TFDP1: variants seen among roughly 807,000 people sequenced by gnomAD.
TFDP1 encodes transcription factor Dp-1, also known as DRTF1-polypeptide 1.
In TFDP1, 6 loss-of-function variants were observed where a neutral mutation model predicts 48.0. The observed-to-expected ratio is 0.13, with a 90% CI of 0.07 to 0.25. The LOEUF is 0.25. Ranked by LOEUF, TFDP1 falls within the 10% of genes least tolerant of loss-of-function variation. The pLI, the probability that TFDP1 is intolerant of heterozygous loss-of-function variation, is 1.00. For synonymous variants in TFDP1, 201 were observed against 211.6 expected, an observed-to-expected ratio of 0.95 and a Z score of 0.44; for missense variants, 335 against 543.0, an observed-to-expected ratio of 0.62 and a Z score of 3.81.
intron 3 of TFDP1, among the ~76,000 whole-genome samples, chr13:113,615,057 G>C (rs2048823784): frequency 6.6e-6 from 1 of 152,178 alleles, no homozygotes; most frequent in Admixed American, 6.5e-5. Context: ...GGCTTAGAAG[G>C]CTGCTTTCCA....
At chr13:113,586,990 A>G (rs2048021680) in intron 2 of TFDP1, among the ~76,000 whole-genome samples, 1 of 152,198 alleles carries the variant, frequency 6.6e-6, no homozygotes, top group Non-Finnish European at 1.5e-5. Context: ...AGCCATGTTC[A>G]TTACATCTCC....
At chr13:113,614,091 G>C (rs2048791995) in intron 3 of TFDP1, among the ~76,000 whole-genome samples, 1 of 151,670 alleles carries the variant, frequency 6.6e-6, no homozygotes, top group Non-Finnish European at 1.5e-5. Context: ...AGATGTATGT[G>C]AGTTGTGTGC....
rs2049535697 is a variant in TFDP1, at chr13:113,637,903, G to C, written c.1085+7G>C. 2 of 1,612,426 alleles carry C rather than the reference G, an allele frequency of 1.2e-6. No homozygotes were observed. Among genetic ancestry groups the C allele is most frequent in the Admixed American group, 3.3e-5 (2 of 59,968 alleles). On this transcript the variant is annotated splice_region_variant and intron_variant, in intron 11 of 11. Coordinates refer to ENST00000375370, the MANE Select transcript of TFDP1 (RefSeq NM_007111.5). ...GCACAAGGTTCTCTGCCAGGTGACAGTCGTTGAGGGTGTGGGAGAGGCGTC... is the reference window on the plus strand; with the variant it reads ...GCACAAGGTTCTCTGCCAGGTGACACTCGTTGAGGGTGTGGGAGAGGCGTC...
chr13:113,605,893 G>A (rs1463571314), intron 2 of TFDP1, among the ~76,000 whole-genome samples: 1 of 140,364 alleles, frequency 7.1e-6, no homozygotes, highest in East Asian at 2.3e-4. Flanking sequence ...GGTGATGAGT[G>A]TCCAAGGCGG....
At chr13:113,610,958 A>G (rs760739645) in intron 2 of TFDP1, 38 bp from the exon 3 acceptor site, 1 of 1,601,386 alleles carries the variant, frequency 6.2e-7, no homozygotes, top group South Asian at 1.1e-5. Context: ...TAGCCCTTTT[A>G]GCTGTCATAT....
intron 3 of TFDP1, among the ~76,000 whole-genome samples, chr13:113,622,631 A>T (rs915247357): frequency 1.3e-5 from 2 of 152,178 alleles, no homozygotes; most frequent in African/African-American, 2.4e-5. Context: ...TGGAAGACAG[A>T]GGCTTCACAT....
Position 113,623,536 on chromosome 13 carries a change from C to T in TFDP1, c.186+250C>T, listed in dbSNP as rs376842751. ...GTGTGCCCCAGCCCATGCCATCCTT[C>T]CAGTAACTGGAGGGTGGTGGGTGGG... On this transcript the variant is annotated intron_variant, in intron 4 of 11. Transcript: ENST00000375370. The surrounding 1 kb of genome is among the most constrained non-coding windows in gnomAD (Gnocchi z 5.2). Among the ~76,000 whole-genome samples the T allele has an allele frequency of 2.9e-4, 44 of 152,214 alleles. No homozygotes were observed. The highest frequency in any genetic ancestry group is 1.0e-3 in the African/African-American group (43 of 41,546).
intron 2 of TFDP1, among the ~76,000 whole-genome samples, chr13:113,589,573 G>A (rs1214968825): frequency 6.6e-6 from 1 of 152,202 alleles, no homozygotes; most frequent in Admixed American, 6.5e-5. Context: ...CAGGCCCTCC[G>A]CCTCAGGGCC....
At chr13:113,639,860 C>T (rs1415200802) in intron 11 of TFDP1, among the ~76,000 whole-genome samples, 2 of 152,204 alleles carry the variant, frequency 1.3e-5, no homozygotes, top group East Asian at 1.9e-4. Context: ...GGAGAGGCAG[C>T]GTGTGGCTCT....
chr13:113,624,722 CCTCACGTGTCT>C (rs1215607018), intron 4 of TFDP1, among the ~76,000 whole-genome samples: 106 of 144,278 alleles, frequency 7.3e-4, no homozygotes, highest in African/African-American at 1.5e-3. Context: ...TCTCACATGT[CCTCACGTGTCT>C]CTCAGGTGTC....
intron 2 of TFDP1, among the ~76,000 whole-genome samples, chr13:113,603,058 G>A (rs2140349448): frequency 6.6e-6 from 1 of 152,222 alleles, no homozygotes; most frequent in Non-Finnish European, 1.5e-5. Flanking sequence ...GCAGGACACA[G>A]GTCGGATAAG....
intron 2 of TFDP1, among the ~76,000 whole-genome samples, chr13:113,610,350 C>T (rs112831989): frequency 0.013 from 2,023 of 151,890 alleles, 43 homozygotes; most frequent in African/African-American, 0.046. Flanking sequence ...CGTGTGCCCC[C>T]ACCGTGTGCT....
At chr13:113,616,173 A>C (rs113852981) in intron 3 of TFDP1, among the ~76,000 whole-genome samples, 1,920 of 149,652 alleles carry the variant, frequency 0.013, 38 homozygotes, top group African/African-American at 0.045. Context: ...ACTGCACTCT[A>C]GCCTGGGTGA....
Position 113,623,878 on chromosome 13 carries a change from C to A in TFDP1, c.186+592C>A, listed in dbSNP as rs375088545. Among the ~76,000 whole-genome samples, 3 of 152,166 alleles carry A rather than the reference C, an allele frequency of 2.0e-5. No homozygotes were observed. Among genetic ancestry groups the A allele is most frequent in the Non-Finnish European group, 4.4e-5 (3 of 68,030 alleles). ...ATAATGCTGTTTCCTGTCTCGTGTC[C>A]GCCCTCTGCGTCCTTGCCGGTGGCA... On this transcript the variant is annotated intron_variant, in intron 4 of 11. Coordinates refer to ENST00000375370, the MANE Select transcript of TFDP1 (RefSeq NM_007111.5). This position sits in a 1 kb window ranked among gnomAD's most constrained non-coding sequence, Gnocchi z 5.2.
chr13:113,593,411 C>T (rs1478713569), intron 2 of TFDP1, among the ~76,000 whole-genome samples: 1 of 142,864 alleles, frequency 7.0e-6, no homozygotes, highest in Non-Finnish European at 1.5e-5. Context: ...CTCAGCCCTG[C>T]CCAGGTGACA....
intron 2 of TFDP1, among the ~76,000 whole-genome samples, chr13:113,603,012 G>T (rs924612068): frequency 2.6e-5 from 4 of 151,884 alleles, no homozygotes; most frequent in African/African-American, 9.7e-5. Flanking sequence ...TTTGTGTTGG[G>T]CTGCATGCAG....
chr13:113,598,688 T>C lies in TFDP1; in HGVS notation c.13-12308T>C, dbSNP rs1347380247. Among the ~76,000 whole-genome samples the C allele has an allele frequency of 6.6e-6, 1 of 152,190 alleles. No homozygotes were observed. Among genetic ancestry groups the C allele is most frequent in the East Asian group, 1.9e-4 (1 of 5,196 alleles). On this transcript the variant is annotated intron_variant, in intron 2 of 11. Transcript: ENST00000375370. This position sits in a 1 kb window ranked among gnomAD's most constrained non-coding sequence, Gnocchi z 4.2. ...GTTGCCCTCCTGGGTGGAGTCTGCG[T>C]CCCCCTTTCCTGGTCATTTAAGTTG...
rs1423110510 is a variant in TFDP1 at position 113,622,948 on chromosome 13, GCCTGGGTCA to G, written c.80-224_80-216del. On this transcript the variant is annotated intron_variant, in intron 3 of 11. Coordinates refer to ENST00000375370, the MANE Select transcript of TFDP1 (RefSeq NM_007111.5). ...GAGGGGCTGGAGCAGTGGATGATCT[GCCTGGGTCA>G]CCTGGGTGGCGTCAGCGCGGCCCTG... Among the ~76,000 whole-genome samples, 5 of 152,380 alleles carry G rather than the reference GCCTGGGTCA, an allele frequency of 3.3e-5. No homozygotes were observed. In the East Asian group the frequency reaches 9.6e-4, roughly 29 times the overall value.
intron 5 of TFDP1, 146 bp downstream of exon 5, chr13:113,631,890 A>T (rs961462847): frequency 1.7e-6 from 2 of 1,191,404 alleles, no homozygotes; most frequent in Non-Finnish European, 2.3e-6. Context: ...CTCACCCATC[A>T]TCGTGGCCTG....
Sources: gnomAD v4.1 joint callset for allele counts (sites outside exome capture counted in the v4.1 genomes callset) on GRCh38, gnomAD v4.1.1 for gene constraint, Gnocchi (gnomAD v3.1) non-coding constraint, MANE v1.5 for transcripts, NCBI Gene and HGNC (gene_info 2026-07-23, HGNC 2026-07-21) for gene names.